Variants in RBMS3 observed in about 807,000 individuals in gnomAD.
RBMS3 encodes the protein RNA-binding motif, single-stranded-interacting protein 3.
A neutral mutation model predicts 66.8 loss-of-function variants in RBMS3; 27 were observed. That is an observed-to-expected ratio of 0.40 (90% CI 0.30 to 0.56). RBMS3 has a LOEUF of 0.56. RBMS3 is among the 20% of genes least tolerant of loss of function. The pLI is 0.40. For missense variants in RBMS3, 513 were observed against 549.5 expected (o/e 0.93, Z 0.66); for synonymous variants, 188 against 183.0 (o/e 1.03, Z -0.22).
rs144293013 is a variant in RBMS3, at chr3:29,708,775, C to T, written c.400-30945C>T. On this transcript the variant is annotated intron_variant, in intron 4 of 14. Transcript: ENST00000383767. ...GAATCATCATAAGAAGACTATCTAA[C>T]TTTGGCAGTATTGAAGGATGTGTGA... Among the ~76,000 whole-genome samples, 523 of 152,306 alleles carry T rather than the reference C, an allele frequency of 3.4e-3. 4 individuals carry two copies. The highest frequency in any genetic ancestry group is 0.011 in the African/African-American group (458 of 41,570).
chr3:29,781,071 C>T (rs1197842049), intron 6 of RBMS3, among the ~76,000 whole-genome samples: 2 of 151,388 alleles, frequency 1.3e-5, no homozygotes, highest in Non-Finnish European at 2.9e-5. Flanking sequence ...CCCATTAACT[C>T]GTCATTTAGC....
At chr3:29,382,527 A>G (rs757891877) in intron 1 of RBMS3, among the ~76,000 whole-genome samples, 8 of 152,182 alleles carry the variant, frequency 5.3e-5, no homozygotes, top group Non-Finnish European at 8.8e-5. Flanking sequence ...GGGGAGAGGA[A>G]GGGTTCCATG....
At chr3:29,289,694 T>C (rs2125421264) in intron 1 of RBMS3, among the ~76,000 whole-genome samples, 1 of 151,974 alleles carries the variant, frequency 6.6e-6, no homozygotes, top group Non-Finnish European at 1.5e-5. Flanking sequence ...AAGGGAACCC[T>C]AATAGTGCCC....
chr3:29,471,891 TAA>T (rs1408805965), intron 2 of RBMS3, among the ~76,000 whole-genome samples: 1 of 152,050 alleles, frequency 6.6e-6, no homozygotes, highest in Non-Finnish European at 1.5e-5. Flanking sequence ...GTTCTAAATT[TAA>T]AAAGATTTTA....
intron 3 of RBMS3, among the ~76,000 whole-genome samples, chr3:29,517,782 A>G (rs1337952831): frequency 1.3e-5 from 2 of 152,210 alleles, no homozygotes; most frequent in Non-Finnish European, 2.9e-5. Context: ...AAGAAATCAT[A>G]TAGAAGTCAA....
chr3:29,409,158 CAAATAG>C (rs1247548464), intron 1 of RBMS3, among the ~76,000 whole-genome samples: 1 of 149,684 alleles, frequency 6.7e-6, no homozygotes, highest in Non-Finnish European at 1.5e-5. Context: ...TTCTGTATAA[CAAATAG>C]AAATAGATAA....
intron 5 of RBMS3, among the ~76,000 whole-genome samples, chr3:29,743,570 G>A (rs1430807300): frequency 1.3e-5 from 2 of 152,074 alleles, no homozygotes; most frequent in African/African-American, 4.8e-5. Flanking sequence ...GTACTAACAA[G>A]CACTTTAGAT....
intron 6 of RBMS3, among the ~76,000 whole-genome samples, chr3:29,775,831 TA>T (rs2056409468): frequency 6.6e-6 from 1 of 152,004 alleles, no homozygotes; most frequent in Non-Finnish European, 1.5e-5. Flanking sequence ...AGTGTTCACA[TA>T]AAATCTTAAA....
Position 29,762,908 on chromosome 3 carries a change from A to T in RBMS3, c.558-2A>T. The T allele has an allele frequency of 6.3e-7, 1 of 1,597,248 alleles. No homozygotes were observed. Among genetic ancestry groups the T allele is most frequent in the South Asian group, 1.1e-5 (1 of 89,048 alleles). On this transcript the variant is annotated splice_acceptor_variant, in intron 5 of 14. Transcript: ENST00000383767. LOFTEE classifies it high-confidence loss of function. ...GACCTCTGGTTTACCTTTTTTTCCC[A>T]GAATGGAGTCTACTGAAAAATGTGA...
chr3:29,414,209 C>T (rs1170654649), intron 1 of RBMS3, among the ~76,000 whole-genome samples: 1 of 152,146 alleles, frequency 6.6e-6, no homozygotes, highest in Non-Finnish European at 1.5e-5. Flanking sequence ...AAATCAAAAA[C>T]AAAAAGGTCT....
At chr3:29,859,788 T>C (rs185961582) in intron 6 of RBMS3, among the ~76,000 whole-genome samples, 1 of 152,316 alleles carries the variant, frequency 6.6e-6, no homozygotes, top group East Asian at 1.9e-4. Flanking sequence ...GTTGTAACCT[T>C]CAAGTAATTT....
intron 3 of RBMS3, among the ~76,000 whole-genome samples, chr3:29,532,952 G>C (rs565512085): frequency 6.6e-6 from 1 of 151,932 alleles, no homozygotes; most frequent in Non-Finnish European, 1.5e-5. Flanking sequence ...GTATTACTTC[G>C]ATTTTTGAAT....
chr3:29,733,421 T>C (rs1281057098), intron 4 of RBMS3, among the ~76,000 whole-genome samples: 1 of 152,090 alleles, frequency 6.6e-6, no homozygotes, highest in Non-Finnish European at 1.5e-5. Context: ...TTAGTATTTT[T>C]AGTTTTCTGA....
At chr3:29,673,190 T>C (rs560635318) in intron 4 of RBMS3, among the ~76,000 whole-genome samples, 9 of 152,272 alleles carry the variant, frequency 5.9e-5, no homozygotes, top group African/African-American at 2.2e-4. Flanking sequence ...AGATGTTCTT[T>C]GAAACCAGTG....
intron 7 of RBMS3, chr3:29,880,898 G>T (rs750198444): frequency 1.4e-6 from 2 of 1,383,352 alleles, no homozygotes; most frequent in African/African-American, 1.4e-5. Context: ...CTCTCCCAAG[G>T]TACCTACTCT....
intron 1 of RBMS3, among the ~76,000 whole-genome samples, chr3:29,350,403 T>C (rs1278575366): frequency 1.3e-5 from 2 of 152,190 alleles, no homozygotes; most frequent in Non-Finnish European, 2.9e-5. Context: ...CAGGGATTGA[T>C]GTCCACAGAA....
chr3:29,389,972 C>T lies in RBMS3; in HGVS notation c.76-44771C>T, dbSNP rs1353646091. On this transcript the variant is annotated intron_variant, in intron 1 of 14. Coordinates refer to ENST00000383767, the MANE Select transcript of RBMS3 (RefSeq NM_001003793.3). ...ACTGCTACTGAAAGTGGTCACTATA[C>T]TTTATTTAGATTTTATATTTGTTTG... 2.6e-5 allele frequency among the ~76,000 whole-genome samples: 4 copies of T among 151,982 alleles called. No homozygotes were observed. In the East Asian group the frequency reaches 7.7e-4, roughly 29 times the overall value.
intron 12 of RBMS3, among the ~76,000 whole-genome samples, chr3:29,959,416 A>G (rs1201013905): frequency 1.3e-5 from 2 of 152,114 alleles, no homozygotes; most frequent in Admixed American, 6.5e-5. Flanking sequence ...TACTGAACCC[A>G]AAAGGGTTGG....
intron 6 of RBMS3, among the ~76,000 whole-genome samples, chr3:29,860,522 C>CT (rs202221037): frequency 0.011 from 1,646 of 152,286 alleles, 24 homozygotes; most frequent in African/African-American, 0.036. Context: ...CATTCTATGA[C>CT]TGTAGTGCTG....
Sources: allele counts gnomAD v4.1 joint callset (sites outside exome capture counted in the v4.1 genomes callset), GRCh38; gene constraint gnomAD v4.1.1; transcripts MANE v1.5; gene names NCBI Gene and HGNC (gene_info 2026-07-23, HGNC 2026-07-21).